NCAM1: variants seen among roughly 807,000 people sequenced by gnomAD.
NCAM1 encodes neural cell adhesion molecule 1.
In NCAM1, 14 loss-of-function variants were observed where a neutral mutation model predicts 109.8. The ratio of observed to expected loss-of-function variants is 0.13; its 90% CI spans 0.08 to 0.20. The LOEUF (loss-of-function observed/expected upper bound fraction) is 0.20, where lower values mean the gene tolerates loss of function less well. Ranked by LOEUF, NCAM1 falls within the 10% of genes least tolerant of loss-of-function variation. The pLI, the probability that NCAM1 is intolerant of heterozygous loss-of-function variation, is 1.00. For missense variants in NCAM1, 774 were observed against 1,109.9 expected (o/e 0.70, Z 4.30); for synonymous variants, 418 against 442.9 (o/e 0.94, Z 0.70).
intron 1 of NCAM1, among the ~76,000 whole-genome samples, chr11:113,045,236 G>C (rs1288813651): frequency 2.6e-5 from 4 of 152,174 alleles, no homozygotes; most frequent in African/African-American, 4.8e-5. Flanking sequence ...TGTTTCCCCT[G>C]TCAGTAAGAA....
chr11:113,012,458 G>A (rs1680589022), intron 1 of NCAM1, among the ~76,000 whole-genome samples: 1 of 152,174 alleles, frequency 6.6e-6, no homozygotes, highest in African/African-American at 2.4e-5. Context: ...TAGGTGTTCT[G>A]TAGTAATGCA....
chr11:113,235,453 G>A, intron 14 of NCAM1: 1 of 677,202 alleles, frequency 1.5e-6, no homozygotes, highest in Non-Finnish European at 2.7e-6. Flanking sequence ...TAAAGGAAGT[G>A]GGGAGAAAAC....
At chr11:113,247,610 A>C (rs924099359) in intron 15 of NCAM1, among the ~76,000 whole-genome samples, 4 of 152,170 alleles carry the variant, frequency 2.6e-5, no homozygotes, top group Non-Finnish European at 5.9e-5. Context: ...AGTCCCATTT[A>C]CAGCCAGACT....
chr11:113,251,626 G>C (rs538761613), intron 15 of NCAM1, among the ~76,000 whole-genome samples: 31 of 152,044 alleles, frequency 2.0e-4, no homozygotes, highest in Non-Finnish European at 3.1e-4. Flanking sequence ...ATACATTTTG[G>C]GGGGAACATT....
At chr11:113,228,928 T>G (rs1391303280) in intron 9 of NCAM1, among the ~76,000 whole-genome samples, 1 of 152,100 alleles carries the variant, frequency 6.6e-6, no homozygotes, top group Non-Finnish European at 1.5e-5. Context: ...ATACAAAAAT[T>G]AATTCAAGAT....
intron 1 of NCAM1, among the ~76,000 whole-genome samples, chr11:113,101,901 T>G (rs964775148): frequency 3.9e-5 from 6 of 152,254 alleles, no homozygotes; most frequent in African/African-American, 1.4e-4. Context: ...AATAAGTTGA[T>G]TTTCAAACAT....
chr11:113,203,404 C>T (rs1235455764), intron 2 of NCAM1, among the ~76,000 whole-genome samples: 12 of 152,252 alleles, frequency 7.9e-5, no homozygotes, highest in Non-Finnish European at 1.2e-4. Flanking sequence ...GAAAGGAAGA[C>T]TGCTTCATTT....
intron 1 of NCAM1, among the ~76,000 whole-genome samples, chr11:113,118,178 C>T (rs1245080): frequency 0.035 from 5,254 of 151,622 alleles, 182 homozygotes; most frequent in East Asian, 0.085. Flanking sequence ...ATCATAGTAT[C>T]TAGGTACTTA....
At chr11:112,978,120 C>T (rs1490618556) in intron 1 of NCAM1, among the ~76,000 whole-genome samples, 3 of 151,746 alleles carry the variant, frequency 2.0e-5, no homozygotes, top group Non-Finnish European at 2.9e-5. Flanking sequence ...TGTTCTTGTA[C>T]ATCTCTATAA....
chr11:112,986,864 T>C (rs116641300), intron 1 of NCAM1, among the ~76,000 whole-genome samples: 2,030 of 152,192 alleles, frequency 0.013, 39 homozygotes, highest in African/African-American at 0.046. Flanking sequence ...TTGTTGATTT[T>C]TAAATGTTTT....
At chr11:113,266,595 TTCA>T (rs1393622073) in intron 17 of NCAM1, among the ~76,000 whole-genome samples, 1 of 152,088 alleles carries the variant, frequency 6.6e-6, no homozygotes, top group Non-Finnish European at 1.5e-5. Context: ...GGGCTGCTTG[TTCA>T]ACTCCTGTTT....
chr11:113,240,470 A>G (rs17115243), intron 14 of NCAM1: 4,192 of 392,046 alleles, frequency 0.011, 145 homozygotes, highest in African/African-American at 0.078. Context: ...CTCTCGTCCT[A>G]TGGAGACAGC....
intron 9 of NCAM1, chr11:113,231,080 G>T: frequency 1.0e-6 from 1 of 1,002,472 alleles, no homozygotes; most frequent in Non-Finnish European, 1.5e-6. Flanking sequence ...TGAGTTGTTT[G>T]GCTTGTTTTT....
intron 1 of NCAM1, among the ~76,000 whole-genome samples, chr11:113,176,326 G>A (rs1272348187): frequency 3.3e-5 from 5 of 152,134 alleles, no homozygotes; most frequent in African/African-American, 9.7e-5. Context: ...TAAAAGCAAA[G>A]GTGTATGGTA....
In NCAM1 at chr11:112,980,903, A is replaced by G. The variant is rs371527914; in HGVS notation, c.52+19239A>G. Among the ~76,000 whole-genome samples the G allele has an allele frequency of 1.3e-4, 20 of 151,970 alleles. No homozygotes were observed. In the South Asian group the frequency reaches 3.9e-3, roughly 30 times the overall value. On this transcript the variant is annotated intron_variant, in intron 1 of 19. Transcript: ENST00000316851. ...AGAACTATTGAATGTGAGCATGCTA[A>G]GATTACCCCTGGCAAAATGGAAAAT...
chr11:113,238,490 A>AG (rs1945237996), intron 14 of NCAM1, among the ~76,000 whole-genome samples: 1 of 152,146 alleles, frequency 6.6e-6, no homozygotes, highest in African/African-American at 2.4e-5. Flanking sequence ...TGCTGCCCCT[A>AG]GACCCATCCT....
At chr11:113,156,797 G>A (rs1942422011) in intron 1 of NCAM1, among the ~76,000 whole-genome samples, 1 of 152,074 alleles carries the variant, frequency 6.6e-6, no homozygotes, top group Non-Finnish European at 1.5e-5. Flanking sequence ...AGAGAAGGAG[G>A]AACATATGGG....
chr11:113,259,074 C>T (rs768197560), intron 16 of NCAM1, among the ~76,000 whole-genome samples: 90 of 138,204 alleles, frequency 6.5e-4, no homozygotes, highest in Non-Finnish European at 1.1e-3. Context: ...TTTTTTGAGA[C>T]GGAGTCTCGC....
chr11:113,246,023 A>G (rs1945490035), intron 14 of NCAM1: 1 of 322,682 alleles, frequency 3.1e-6, no homozygotes, highest in Non-Finnish European at 5.6e-6. Context: ...CATGCTCCTG[A>G]TGTGGTATTA....
Sources: gnomAD v4.1 joint callset for allele counts (sites outside exome capture counted in the v4.1 genomes callset) on GRCh38, gnomAD v4.1.1 for gene constraint, MANE v1.5 for transcripts, NCBI Gene and HGNC (gene_info 2026-07-23, HGNC 2026-07-21) for gene names.